ABCC9: variants seen among roughly 807,000 people sequenced by gnomAD.
The protein encoded by ABCC9 is ATP-binding cassette sub-family C member 9.
Under a neutral mutation model 188.3 loss-of-function variants are expected in ABCC9, and 95 were observed. That is an observed-to-expected ratio of 0.50 (90% CI 0.43 to 0.60). The LOEUF (loss-of-function observed/expected upper bound fraction) is 0.60. Ranked by LOEUF, ABCC9 falls within the 20% of genes least tolerant of loss-of-function variation. ABCC9 has a pLI of 0.00. For synonymous variants in ABCC9, 659 were observed against 652.7 expected (o/e 1.01, Z -0.15); for missense variants, 1,102 against 1,876.3 (o/e 0.59, Z 7.62).
chr12:21,814,734 G>C lies in ABCC9; in HGVS notation c.4024-12C>G, dbSNP rs769587879. On this transcript the variant is annotated splice_polypyrimidine_tract_variant and intron_variant, in intron 34 of 39. Transcript: ENST00000261200. Reference sequence around the variant, plus strand: ...CCACATATGCCCACCTAGGAAAACAGCTGTCACTCAAAGAGAAGAGGACTC... The same window carrying C: ...CCACATATGCCCACCTAGGAAAACACCTGTCACTCAAAGAGAAGAGGACTC... 1 of 1,612,320 alleles carries C rather than the reference G, an allele frequency of 6.2e-7. No individual in the cohort carries two copies. Among genetic ancestry groups the C allele is most frequent in the Non-Finnish European group, 8.5e-7 (1 of 1,178,580 alleles).
chr12:21,840,442 A>T (rs1303116357), intron 29 of ABCC9, among the ~76,000 whole-genome samples: 3 of 152,238 alleles, frequency 2.0e-5, no homozygotes, highest in African/African-American at 7.2e-5. Context: ...TCTCTAATAG[A>T]TTATTCTGAT....
chr12:21,910,023 C>A, intron 10 of ABCC9, 134 bp downstream of exon 10: 1 of 856,462 alleles, frequency 1.2e-6, no homozygotes, highest in Non-Finnish European at 1.8e-6. Flanking sequence ...TGAGTCCCAG[C>A]TTCCTTTTCT....
chr12:21,830,225 A>T (rs920930768), intron 30 of ABCC9, among the ~76,000 whole-genome samples: 1 of 152,230 alleles, frequency 6.6e-6, no homozygotes, highest in African/African-American at 2.4e-5. Flanking sequence ...TTCATGTTAC[A>T]TGGTAGAAAA....
At chr12:21,898,062 G>A (rs888093172) in intron 12 of ABCC9, among the ~76,000 whole-genome samples, 1 of 152,164 alleles carries the variant, frequency 6.6e-6, no homozygotes, top group Non-Finnish European at 1.5e-5. Context: ...ACCACTTTGC[G>A]AGGCGGAAGC....
Position 21,910,801 on chromosome 12 carries a change from AATAGTATTCACAGCCTTTAC to A in ABCC9, c.1164+5_1164+24del. On this transcript the variant is annotated splice_donor_5th_base_variant and intron_variant, in intron 9 of 39. Coordinates refer to ENST00000261200, the MANE Select transcript of ABCC9 (RefSeq NM_020297.4). ...TGGTATATAGCATTCTTAGGAAACA[AATAGTATTCACAGCCTTTAC>A]ATACCAGCAGAGCTCCACGGAGGTT... 1.3e-6 allele frequency: 2 copies of A among 1,593,066 alleles called. No individual in the cohort carries two copies. Among genetic ancestry groups the A allele is most frequent in the Non-Finnish European group, 8.6e-7 (1 of 1,161,290 alleles).
rs1216663255 is a variant in ABCC9, at chr12:21,852,415, G to A, written c.2596C>T (p.Leu866Phe). Reference protein sequence around the residue: ...LKFLQDDKRTLVLVTHKLQYL... With the variant: ...LKFLQDDKRTFVLVTHKLQYL... ...TGTAATTTGTGAGTCACAAGAACGA[G>A]TGTCCTTTTGTCATCTTGCAGGAAT... The change falls in exon 23 of 40, where the codon CTC becomes TTC. Residue 866 changes from leucine (L) to phenylalanine (F), a missense_variant. Coordinates refer to ENST00000261200, the MANE Select transcript of ABCC9 (RefSeq NM_020297.4). The A allele has an allele frequency of 6.2e-7, 1 of 1,613,792 alleles. No individual in the cohort carries two copies. Among genetic ancestry groups the A allele is most frequent in the East Asian group, 2.2e-5 (1 of 44,870 alleles).
intron 19 of ABCC9, among the ~76,000 whole-genome samples, chr12:21,863,455 A>T (rs1453867322): frequency 6.8e-6 from 1 of 146,738 alleles, no homozygotes; most frequent in Non-Finnish European, 1.5e-5. Context: ...AAACTTTAAG[A>T]TGTTAATTGA....
Position 21,912,336 on chromosome 12 carries a change from C to T in ABCC9, c.1011+536G>A, listed in dbSNP as rs538076209. Among the ~76,000 whole-genome samples, 33 of 152,024 alleles carry T rather than the reference C, an allele frequency of 2.2e-4. No individual in the cohort carries two copies. In the South Asian group the frequency reaches 3.1e-3, roughly 14 times the overall value. ...AATTATATATTTATGATCATAAACACGCAGTATTTTAACTATATAGCCCCA... is the reference window on the plus strand; with the variant it reads ...AATTATATATTTATGATCATAAACATGCAGTATTTTAACTATATAGCCCCA... On this transcript the variant is annotated intron_variant, in intron 8 of 39. Coordinates refer to ENST00000261200, the MANE Select transcript of ABCC9 (RefSeq NM_020297.4).
At chr12:21,915,225 A>ATGTGTGTGTGTGTGTG (rs377233626) in intron 7 of ABCC9, among the ~76,000 whole-genome samples, 59 of 129,158 alleles carry the variant, frequency 4.6e-4, no homozygotes, top group Non-Finnish European at 7.9e-4. Flanking sequence ...TTATATATAT[A>ATGTGTGTGTGTGTGTG]TGTGTGTGTG....
intron 30 of ABCC9, 106 bp from the exon 31 acceptor site, chr12:21,829,166 C>G: frequency 1.8e-6 from 1 of 544,814 alleles, no homozygotes. Context: ...AAACTGATGG[C>G]ATGGAATGAT....
At chr12:21,887,732 C>T in intron 15 of ABCC9, 94 bp downstream of exon 15, 1 of 881,092 alleles carries the variant, frequency 1.1e-6, no homozygotes, top group East Asian at 2.4e-5. Context: ...AAAACTAAAG[C>T]TTATAATCTC....
chr12:21,879,032 G>A (rs1946504493), intron 16 of ABCC9, among the ~76,000 whole-genome samples: 1 of 152,168 alleles, frequency 6.6e-6, no homozygotes, highest in African/African-American at 2.4e-5. Context: ...CGGGGTTTAT[G>A]ATAGAGGAAA....
chr12:21,907,996 G>A lies in ABCC9; in HGVS notation c.1455+81C>T, dbSNP rs1252824998. The stretch of plus-strand genomic sequence containing the variant: ...AATTGTTTCCAAATTATCTTTAGTG[G>A]TATGTATTAATTTCCTATATTATAA... On this transcript the variant is annotated intron_variant, in intron 11 of 39. Coordinates refer to ENST00000261200, the MANE Select transcript of ABCC9 (RefSeq NM_020297.4). The A allele has an allele frequency of 4.5e-5, 63 of 1,391,180 alleles. 1 individual carries two copies. The South Asian group carries it at 7.0e-4, about 15-fold the overall frequency. The allele number at this position is 1,391,180 out of a possible 1,614,324, so 86.2% of individuals were successfully genotyped here. A position where few individuals can be genotyped will look rare whatever the true frequency, so the allele number is the denominator to read the frequency against.
At chr12:21,803,056 A>G (rs1261328537) in intron 39 of ABCC9, among the ~76,000 whole-genome samples, 2 of 152,034 alleles carry the variant, frequency 1.3e-5, no homozygotes, top group Non-Finnish European at 2.9e-5. Context: ...AAAAGTAATC[A>G]TGTCAAAGAC....
chr12:21,809,455 A>G (rs1397432039), intron 37 of ABCC9, among the ~76,000 whole-genome samples: 1 of 152,152 alleles, frequency 6.6e-6, no homozygotes, highest in Non-Finnish European at 1.5e-5. Flanking sequence ...GCCTTTCCCT[A>G]AGTGGTGCCA....
In ABCC9 at chr12:21,829,224, T is replaced by C. The variant is rs542616194; in HGVS notation, c.3567-164A>G. Among the ~76,000 whole-genome samples, 331 of 112,060 alleles carry C rather than the reference T, an allele frequency of 3.0e-3. 4 individuals carry two copies. The highest frequency in any genetic ancestry group is 0.011 in the Middle Eastern group (2 of 182). The allele number at this position is 112,060 out of a possible 152,430, so 73.5% of individuals were successfully genotyped here. A position where few individuals can be genotyped will look rare whatever the true frequency, so the allele number is the denominator to read the frequency against. ...TTTTTTTTTTTTTTTTTTTTTCAGA[T>C]GGAGTCTCGCTCTGTTGCCCAGGCT... On this transcript the variant is annotated intron_variant, in intron 30 of 39. Transcript: ENST00000261200.
At chr12:21,929,319 A>G (rs888002502) in intron 4 of ABCC9, among the ~76,000 whole-genome samples, 1 of 152,078 alleles carries the variant, frequency 6.6e-6, no homozygotes, top group Non-Finnish European at 1.5e-5. Flanking sequence ...TAATAAACCA[A>G]TCAAATTAAA....
intron 37 of ABCC9, among the ~76,000 whole-genome samples, chr12:21,807,767 A>G (rs1941957980): frequency 6.6e-6 from 1 of 152,224 alleles, no homozygotes; most frequent in African/African-American, 2.4e-5. Flanking sequence ...ATTTAATACA[A>G]TTCTCTAAGG....
At chr12:21,871,516 T>C (rs1277492405) in intron 18 of ABCC9, among the ~76,000 whole-genome samples, 1 of 152,054 alleles carries the variant, frequency 6.6e-6, no homozygotes, top group African/African-American at 2.4e-5. Flanking sequence ...TTAATTGGAG[T>C]TTAAAATAAA....
Sources: allele counts gnomAD v4.1 joint callset (sites outside exome capture counted in the v4.1 genomes callset), GRCh38; gene constraint gnomAD v4.1.1; transcripts MANE v1.5; gene names NCBI Gene and HGNC (gene_info 2026-07-23, HGNC 2026-07-21).